Variants in CA13 observed in about 807,000 individuals in gnomAD.
CA13 encodes CA-XIII.
A neutral mutation model predicts 31.5 loss-of-function variants in CA13; 21 were observed. The observed-to-expected ratio is 0.67, with a 90% CI of 0.47 to 0.96. The LOEUF is 0.96. Among genes scored for constraint, CA13 ranks in the 40% least tolerant of loss-of-function variants. The pLI, the probability that CA13 is intolerant of heterozygous loss-of-function variation, is 0.00. For synonymous variants in CA13, 117 were observed against 111.4 expected, an observed-to-expected ratio of 1.05 and a Z score of -0.32; for missense variants, 315 against 318.9, an observed-to-expected ratio of 0.99 and a Z score of 0.09.
At chr8:85,272,357 G>C (rs1807538668) in intron 6 of CA13, among the ~76,000 whole-genome samples, 2 of 152,058 alleles carry the variant, frequency 1.3e-5, no homozygotes, top group Admixed American at 6.6e-5. Context: ...CCAGGTTCAA[G>C]TGATTCTGCT....
intron 6 of CA13, among the ~76,000 whole-genome samples, chr8:85,277,669 C>T (rs1466955848): frequency 6.6e-6 from 1 of 152,110 alleles, no homozygotes; most frequent in Admixed American, 6.5e-5. Context: ...CAACAGCACA[C>T]GAGGTGGTGT....
chr8:85,268,940 T>C (rs1807492628), intron 6 of CA13, among the ~76,000 whole-genome samples: 1 of 152,088 alleles, frequency 6.6e-6, no homozygotes, highest in Non-Finnish European at 1.5e-5. Context: ...CAGGCTGAGA[T>C]AAAAATGAAA....
rs33933991 is a variant in CA13 at position 85,258,759 on chromosome 8, C to CAAAAAAA, written c.236-639_236-633dup. 1.9e-3 allele frequency among the ~76,000 whole-genome samples: 84 copies of CAAAAAAA among 43,464 alleles called. 14 individuals carry two copies. The highest frequency in any genetic ancestry group is 7.2e-3 in the African/African-American group (72 of 10,044). 28.5% of individuals were successfully genotyped at this position (43,464 alleles called of 152,430 possible). A position where few individuals can be genotyped will look rare whatever the true frequency, so the allele number is the denominator to read the frequency against. ...ATAACATAGTGAGGCCCTGTCTCTA[C>CAAAAAAA]AAAAAAAAAAAAAAAAAAAAAAAAA... On this transcript the variant is annotated intron_variant, in intron 2 of 6. Coordinates refer to ENST00000321764, the MANE Select transcript of CA13 (RefSeq NM_198584.3).
In CA13 at chr8:85,283,495, A is replaced by G. The variant is rs953280210; in HGVS notation, c.*2146A>G. ...CTCTCTGCTTGAAATTAAATGCACT[A>G]TAAGTTAATATAACAAGTAAAATAC... On this transcript the variant is annotated 3_prime_UTR_variant, in exon 7 of 7. Coordinates refer to ENST00000321764, the MANE Select transcript of CA13 (RefSeq NM_198584.3). 5.9e-5 allele frequency: 9 copies of G among 152,656 alleles called. No individual in the cohort carries two copies. Among genetic ancestry groups the G allele is most frequent in the Non-Finnish European group, 1.2e-4 (8 of 68,040 alleles). 9.5% of individuals were successfully genotyped at this position (152,656 alleles called of 1,614,324 possible). A position where few individuals can be genotyped will look rare whatever the true frequency, so the allele number is the denominator to read the frequency against.
chr8:85,266,251 C>T (rs1165528393), intron 3 of CA13, among the ~76,000 whole-genome samples: 2 of 152,124 alleles, frequency 1.3e-5, no homozygotes, highest in South Asian at 2.1e-4. Context: ...AGTGTGGTGG[C>T]GCAGTCTTAG....
At position 85,277,273 on chromosome 8, in the gene CA13, G is replaced by A. The variant is rs192361857; in HGVS notation, c.670-3957G>A. On this transcript the variant is annotated intron_variant, in intron 6 of 6. Transcript: ENST00000321764. Reference sequence around the variant, plus strand: ...GCAACACTCACTGCAAAGGTCTGCAGCTTCACTCCTGAAGCCAGCGAGACC... The same window carrying A: ...GCAACACTCACTGCAAAGGTCTGCAACTTCACTCCTGAAGCCAGCGAGACC... Among the ~76,000 whole-genome samples the A allele has an allele frequency of 2.6e-5, 4 of 152,282 alleles. No homozygotes were observed. The East Asian group carries it at 7.7e-4, about 29-fold the overall frequency.
intron 4 of CA13, among the ~76,000 whole-genome samples, 170 bp from the exon 5 acceptor site, chr8:85,267,732 G>A (rs1807476491): frequency 6.6e-6 from 1 of 152,206 alleles, no homozygotes; most frequent in African/African-American, 2.4e-5. Context: ...GATCCTTCTG[G>A]CATGATAAGG....
Position 85,245,750 on chromosome 8 carries a change from C to T in CA13, c.-79C>T. The T allele has an allele frequency of 6.5e-7, 1 of 1,543,442 alleles. No individual in the cohort carries two copies. The highest frequency in any genetic ancestry group is 9.0e-7 in the Non-Finnish European group (1 of 1,117,318). Reference sequence around the variant, plus strand: ...CCCCGCGGTCCCGCCCTAGCAGGCTCCTTCCCGGGCCCCTCCCCGCTCCCT... The same window carrying T: ...CCCCGCGGTCCCGCCCTAGCAGGCTTCTTCCCGGGCCCCTCCCCGCTCCCT... On this transcript the variant is annotated 5_prime_UTR_variant, in exon 1 of 7. Transcript: ENST00000321764.
intron 1 of CA13, among the ~76,000 whole-genome samples, chr8:85,248,593 G>C (rs1023719958): frequency 6.6e-6 from 1 of 152,106 alleles, no homozygotes; most frequent in Non-Finnish European, 1.5e-5. Flanking sequence ...GGGACAAGGA[G>C]AAGGAGGAGA....
chr8:85,281,140 T>C, intron 6 of CA13, 90 bp from the exon 7 acceptor site: 5 of 1,450,602 alleles, frequency 3.4e-6, no homozygotes, highest in Non-Finnish European at 3.7e-6. Flanking sequence ...TTTTTGTTCC[T>C]GGTTATAGAT....
intron 2 of CA13, among the ~76,000 whole-genome samples, chr8:85,258,759 CAAAAAAAAAAAAAAAA>C (rs33933991): frequency 1.1e-4 from 5 of 43,480 alleles, no homozygotes; most frequent in Admixed American, 9.8e-4. Flanking sequence ...CCTGTCTCTA[CAAAAAAAAAAAAAAAA>C]AAAAAAAAAA....
At chr8:85,279,984 A>G (rs746946915) in intron 6 of CA13, among the ~76,000 whole-genome samples, 21 of 152,152 alleles carry the variant, frequency 1.4e-4, no homozygotes, top group Non-Finnish European at 2.6e-4. Context: ...TAAAAAAAAA[A>G]CAAAAACCTC....
rs765549891 is a variant in CA13 at position 85,267,884 on chromosome 8, G to T, written c.451-18G>T. 27 of 1,530,528 alleles carry T rather than the reference G, an allele frequency of 1.8e-5. No homozygotes were observed. Among genetic ancestry groups the T allele is most frequent in the Non-Finnish European group, 2.1e-5 (23 of 1,111,012 alleles). The allele number at this position is 1,530,528 out of a possible 1,614,324, so 94.8% of individuals were successfully genotyped here. A position where few individuals can be genotyped will look rare whatever the true frequency, so the allele number is the denominator to read the frequency against. ...ATCTGCTACAGTAACCATTTCTTTT[G>T]AAATTTCATGTTTTTAGATTGGTGA... On this transcript the variant is annotated intron_variant, in intron 4 of 6. Transcript: ENST00000321764.
At chr8:85,250,261 TAGA>T (rs567418156) in intron 1 of CA13, among the ~76,000 whole-genome samples, 442 of 152,292 alleles carry the variant, frequency 2.9e-3, no homozygotes, top group Admixed American at 4.5e-3. Flanking sequence ...CATTGAGTGA[TAGA>T]AGGAAGAATA....
intron 2 of CA13, among the ~76,000 whole-genome samples, chr8:85,255,830 GC>G (rs1807285097): frequency 1.3e-5 from 2 of 152,152 alleles, no homozygotes; most frequent in South Asian, 4.1e-4. Flanking sequence ...CTCACCTGAG[GC>G]CCTACCACCC....
chr8:85,267,887 A>G lies in CA13; in HGVS notation c.451-15A>G. 6.5e-7 allele frequency: 1 copy of G among 1,544,462 alleles called. No homozygotes were observed. Among genetic ancestry groups the G allele is most frequent in the Non-Finnish European group, 8.9e-7 (1 of 1,122,334 alleles). On this transcript the variant is annotated splice_polypyrimidine_tract_variant and intron_variant, in intron 4 of 6. Coordinates refer to ENST00000321764, the MANE Select transcript of CA13 (RefSeq NM_198584.3). ...TGCTACAGTAACCATTTCTTTTGAA[A>G]TTTCATGTTTTTAGATTGGTGAACC...
intron 2 of CA13, among the ~76,000 whole-genome samples, chr8:85,257,702 T>C (rs1437875036): frequency 1.0e-5 from 1 of 96,754 alleles, no homozygotes; most frequent in Non-Finnish European, 2.4e-5. Context: ...AGAGACCTTG[T>C]CTCAAAAAAA....
At chr8:85,269,108 T>C (rs956818821) in intron 6 of CA13, among the ~76,000 whole-genome samples, 5 of 152,128 alleles carry the variant, frequency 3.3e-5, no homozygotes, top group African/African-American at 1.2e-4. Context: ...CCCTAAGAAA[T>C]GTGTGCCTGC....
chr8:85,273,335 T>C (rs533042827), intron 6 of CA13, among the ~76,000 whole-genome samples: 1 of 152,342 alleles, frequency 6.6e-6, no homozygotes, highest in South Asian at 2.1e-4. Context: ...TGGCTATGTA[T>C]GTATCTCCTT....
Sources: gnomAD v4.1 joint callset for allele counts (sites outside exome capture counted in the v4.1 genomes callset) on GRCh38, gnomAD v4.1.1 for gene constraint, MANE v1.5 for transcripts, NCBI Gene and HGNC (gene_info 2026-07-23, HGNC 2026-07-21) for gene names.